Variants in PRKAR2B observed in about 807,000 individuals in gnomAD.
PRKAR2B encodes the protein cAMP-dependent protein kinase type II-beta regulatory subunit.
PRKAR2B carries 14 observed loss-of-function variants against 49.9 expected under a neutral mutation model. The observed-to-expected ratio is 0.28, with a 90% CI of 0.19 to 0.44. The LOEUF (loss-of-function observed/expected upper bound fraction) is 0.44. Ranked by LOEUF, PRKAR2B falls within the 20% of genes least tolerant of loss-of-function variation. The pLI is 1.00. For synonymous variants in PRKAR2B, 196 were observed against 197.7 expected (o/e 0.99, Z 0.07); for missense variants, 393 against 537.9 (o/e 0.73, Z 2.67).
chr7:107,131,905 C>G (rs1327762892), intron 4 of PRKAR2B, among the ~76,000 whole-genome samples: 1 of 152,140 alleles, frequency 6.6e-6, no homozygotes, highest in Non-Finnish European at 1.5e-5. Flanking sequence ...CATGCAGCTC[C>G]TTTCATTTTA....
chr7:107,098,298 A>G (rs1029380307), intron 2 of PRKAR2B, among the ~76,000 whole-genome samples: 3 of 152,160 alleles, frequency 2.0e-5, no homozygotes, highest in Non-Finnish European at 4.4e-5. Flanking sequence ...CACTTGATCA[A>G]ATTGGCTACT....
Position 107,063,688 on chromosome 7 carries a change from A to G in PRKAR2B, c.308-6593A>G, listed in dbSNP as rs114126502. 6.9e-3 allele frequency among the ~76,000 whole-genome samples: 1,053 copies of G among 152,274 alleles called. 9 individuals are homozygous for G. The highest frequency in any genetic ancestry group is 0.023 in the African/African-American group (963 of 41,554). On this transcript the variant is annotated intron_variant, in intron 1 of 10. Coordinates refer to ENST00000265717, the MANE Select transcript of PRKAR2B (RefSeq NM_002736.3). ...AAGGCTTTGAATATGGGTATTTTCT[A>G]TAACCGTACTCTTATTAGTAGGCCA...
At chr7:107,124,120 T>G (rs1795439704) in intron 3 of PRKAR2B, among the ~76,000 whole-genome samples, 1 of 152,208 alleles carries the variant, frequency 6.6e-6, no homozygotes, top group South Asian at 2.1e-4. Context: ...GTCTGTAGTA[T>G]AAACAGAAAT....
intron 2 of PRKAR2B, among the ~76,000 whole-genome samples, chr7:107,103,963 G>A (rs1795022910): frequency 6.6e-6 from 1 of 152,126 alleles, no homozygotes; most frequent in South Asian, 2.1e-4. Flanking sequence ...GTTTTGCTAT[G>A]AGCCCAAACC....
chr7:107,093,310 G>A (rs1314547900), intron 2 of PRKAR2B, among the ~76,000 whole-genome samples: 2 of 152,110 alleles, frequency 1.3e-5, no homozygotes, highest in Non-Finnish European at 2.9e-5. Context: ...TTTCCATGGT[G>A]CTGCACCATT....
intron 4 of PRKAR2B, among the ~76,000 whole-genome samples, chr7:107,140,494 G>T (rs908491385): frequency 3.9e-5 from 6 of 152,132 alleles, no homozygotes; most frequent in Non-Finnish European, 4.4e-5. Context: ...ATCTTTAAAA[G>T]AAATTTGAAA....
chr7:107,151,700 C>T lies in PRKAR2B; in HGVS notation c.843+677C>T, dbSNP rs550404460. 7.2e-5 allele frequency among the ~76,000 whole-genome samples: 11 copies of T among 152,350 alleles called. No homozygotes were observed. The South Asian group carries it at 2.1e-3, about 29-fold the overall frequency. ...CCTACAGCTGGGAACAGTCACCTGGCAGCACAGTGCACTGGAGAGCATGGG... is the reference window on the plus strand; with the variant it reads ...CCTACAGCTGGGAACAGTCACCTGGTAGCACAGTGCACTGGAGAGCATGGG... On this transcript the variant is annotated intron_variant, in intron 7 of 10. Transcript: ENST00000265717.
At chr7:107,130,417 G>C (rs1286105229) in intron 4 of PRKAR2B, among the ~76,000 whole-genome samples, 2 of 152,000 alleles carry the variant, frequency 1.3e-5, no homozygotes, top group African/African-American at 4.8e-5. Context: ...CAGGAGAATG[G>C]CATGAACCCA....
At chr7:107,058,329 A>G (rs1793954658) in intron 1 of PRKAR2B, among the ~76,000 whole-genome samples, 1 of 152,226 alleles carries the variant, frequency 6.6e-6, no homozygotes, top group African/African-American at 2.4e-5. Context: ...TTAATTGGCA[A>G]ACAATTAGTT....
intron 2 of PRKAR2B, among the ~76,000 whole-genome samples, chr7:107,073,716 T>G (rs541349398): frequency 8.5e-5 from 13 of 152,288 alleles, no homozygotes; most frequent in Admixed American, 2.0e-4. Flanking sequence ...CTGCTTTTGA[T>G]CTCTTAAAAT....
chr7:107,126,420 C>CAAAAAAAAAAAAAAA (rs35682952), intron 3 of PRKAR2B, among the ~76,000 whole-genome samples: 387 of 38,382 alleles, frequency 0.01, 19 homozygotes, highest in Non-Finnish European at 0.015. Flanking sequence ...GAATCTGTCT[C>CAAAAAAAAAAAAAAA]AAAAAAAAAA....
chr7:107,066,887 T>C (rs1023818990), intron 1 of PRKAR2B: 2 of 152,132 alleles, frequency 1.3e-5, no homozygotes, highest in Non-Finnish European at 2.9e-5. Context: ...GGTTTTTTTC[T>C]TCAGAAAAAC....
At chr7:107,156,805 CAA>C (rs761387174) in intron 8 of PRKAR2B, among the ~76,000 whole-genome samples, 177 bp from the exon 9 acceptor site, 1 of 115,798 alleles carries the variant, frequency 8.6e-6, no homozygotes. Context: ...GACTCCGTCT[CAA>C]AAAAAAAAAA....
intron 4 of PRKAR2B, among the ~76,000 whole-genome samples, chr7:107,134,710 C>A (rs1795664101): frequency 6.6e-6 from 1 of 152,078 alleles, no homozygotes. Context: ...ATTGATTTTC[C>A]CACAAGAGTG....
chr7:107,112,361 G>T (rs1050112426), intron 2 of PRKAR2B, among the ~76,000 whole-genome samples: 7 of 151,258 alleles, frequency 4.6e-5, no homozygotes, highest in African/African-American at 1.7e-4. Flanking sequence ...TTAATTTAAA[G>T]GTTCATTTAA....
intron 1 of PRKAR2B, among the ~76,000 whole-genome samples, chr7:107,046,876 A>G (rs1793709686): frequency 6.6e-6 from 1 of 152,164 alleles, no homozygotes; most frequent in African/African-American, 2.4e-5. Flanking sequence ...AATATAATCA[A>G]AATATTTTGT....
At chr7:107,148,228 A>G (rs1182495730) in intron 6 of PRKAR2B, among the ~76,000 whole-genome samples, 1 of 152,160 alleles carries the variant, frequency 6.6e-6, no homozygotes, top group East Asian at 1.9e-4. Context: ...TTTATTCAGG[A>G]AGGTTTACTT....
chr7:107,047,915 T>C (rs1793730104), intron 1 of PRKAR2B, among the ~76,000 whole-genome samples: 1 of 152,234 alleles, frequency 6.6e-6, no homozygotes, highest in Non-Finnish European at 1.5e-5. Context: ...GTTCCATGAC[T>C]GTACTTTGGA....
intron 6 of PRKAR2B, among the ~76,000 whole-genome samples, chr7:107,149,584 G>T (rs1795947687): frequency 6.6e-6 from 1 of 152,042 alleles, no homozygotes. Context: ...CCAGCCTCAT[G>T]ACCTAACCAT....
Sources: allele counts gnomAD v4.1 joint callset (sites outside exome capture counted in the v4.1 genomes callset), GRCh38; gene constraint gnomAD v4.1.1; transcripts MANE v1.5; gene names NCBI Gene and HGNC (gene_info 2026-07-23, HGNC 2026-07-21).